The following GRAMD2B variants were observed in gnomAD, a reference collection of about 807,000 sequenced individuals.
The protein encoded by GRAMD2B is GRAM domain-containing protein 2B.
GRAMD2B carries 41 observed loss-of-function variants against 59.2 expected under a neutral mutation model. The observed-to-expected ratio is 0.69, with a 90% CI of 0.54 to 0.90. The LOEUF is 0.90. Ranked by LOEUF, GRAMD2B falls within the 40% of genes least tolerant of loss-of-function variation. GRAMD2B has a pLI of 0.00. For missense variants in GRAMD2B, 424 were observed against 500.5 expected, an observed-to-expected ratio of 0.85 and a Z score of 1.46; for synonymous variants, 161 against 182.7, an observed-to-expected ratio of 0.88 and a Z score of 0.96.
At chr5:126,443,008 T>G (rs1030848034) in intron 1 of GRAMD2B, among the ~76,000 whole-genome samples, 1 of 152,208 alleles carries the variant, frequency 6.6e-6, no homozygotes, top group African/African-American at 2.4e-5. Flanking sequence ...TGATCATTAA[T>G]GGGGATTGTT....
rs542805151 is a variant in GRAMD2B at position 126,465,116 on chromosome 5, T to A, written c.84-310T>A. 99 of 1,208,776 alleles carry A rather than the reference T, an allele frequency of 8.2e-5. 2 individuals carry two copies. The Admixed American group carries it at 3.8e-3, about 46-fold the overall frequency. 74.9% of individuals were successfully genotyped at this position (1,208,776 alleles called of 1,614,324 possible). On this transcript the variant is annotated intron_variant, in intron 1 of 13. Transcript: ENST00000285689. ...GTGCTTGTGCAGGGCGCTCCCAGCC[T>A]CCAGGTGATCTGCTGCCCCAGCACA...
At chr5:126,420,272 T>C (rs911326914), upstream of GRAMD2B, among the ~76,000 whole-genome samples, 6 of 152,162 alleles carry the variant, frequency 3.9e-5, no homozygotes, top group African/African-American at 1.4e-4. Flanking sequence ...TTTTGTCACA[T>C]GGCAATGACA....
intron 1 of GRAMD2B, among the ~76,000 whole-genome samples, chr5:126,379,371 T>A (rs998247996): frequency 2.0e-5 from 3 of 152,208 alleles, no homozygotes; most frequent in Non-Finnish European, 4.4e-5. Flanking sequence ...AACATGTATA[T>A]GCAAGTATCT....
intron 1 of GRAMD2B, among the ~76,000 whole-genome samples, chr5:126,452,823 C>G (rs1765604475): frequency 6.6e-6 from 1 of 152,100 alleles, no homozygotes. Context: ...AAATTGGTTT[C>G]CTTTATGATA....
At chr5:126,447,246 G>C (rs1764413410) in intron 1 of GRAMD2B, among the ~76,000 whole-genome samples, 1 of 152,204 alleles carries the variant, frequency 6.6e-6, no homozygotes, top group Admixed American at 6.5e-5. Flanking sequence ...CCAAACCCCA[G>C]CAGAAAACTC....
At chr5:126,484,260 C>A in intron 9 of GRAMD2B, 142 bp from the exon 10 acceptor site, 1 of 902,384 alleles carries the variant, frequency 1.1e-6, no homozygotes, top group Non-Finnish European at 1.6e-6. Flanking sequence ...ATTTCAGCCC[C>A]AGCCACCACA....
chr5:126,488,729 T>G (rs1197914830), intron 12 of GRAMD2B, 70 bp from the exon 13 acceptor site: 2 of 1,058,998 alleles, frequency 1.9e-6, no homozygotes, highest in Non-Finnish European at 2.9e-6. Flanking sequence ...CAAATAAATT[T>G]TAAATGTGTT....
chr5:126,424,444 A>G (rs1760233442), intron 1 of GRAMD2B, among the ~76,000 whole-genome samples: 1 of 152,228 alleles, frequency 6.6e-6, no homozygotes, highest in Non-Finnish European at 1.5e-5. Context: ...TGAGTAATTT[A>G]GGAAGGAGGG....
rs567213904 is a variant in GRAMD2B, at chr5:126,469,608, C to T, written c.204-69C>T. On this transcript the variant is annotated intron_variant, in intron 2 of 13. Transcript: ENST00000285689. Reference sequence around the variant, plus strand: ...CGTGATCATGCTGCTGCACTTCAGCCTGGGCAACAGAGCAAAACTGTCTCA... The same window carrying T: ...CGTGATCATGCTGCTGCACTTCAGCTTGGGCAACAGAGCAAAACTGTCTCA... The T allele has an allele frequency of 4.2e-5, 43 of 1,029,504 alleles. 1 individual carries two copies. The South Asian group carries it at 5.6e-4, about 13-fold the overall frequency. 63.8% of individuals were successfully genotyped at this position (1,029,504 alleles called of 1,614,324 possible). A position where few individuals can be genotyped will look rare whatever the true frequency, so the allele number is the denominator to read the frequency against.
chr5:126,423,674 A>C lies in GRAMD2B; in HGVS notation c.68A>C (p.Lys23Thr). The C allele has an allele frequency of 6.2e-7, 1 of 1,607,970 alleles. No individual in the cohort carries two copies. Among genetic ancestry groups the C allele is most frequent in the Non-Finnish European group, 8.5e-7 (1 of 1,177,690 alleles). Residue 23 changes from lysine to threonine, a missense_variant, in exon 1 of 14, where the codon AAA becomes ACA. Transcript: ENST00000285689. ...PAKVLGKRES[K>T]LGSAHSEAEN... The stretch of plus-strand genomic sequence containing the variant: ...AAAGTGCTCGGGAAGAGGGAGAGCA[A>C]ACTTGGCTCAGCCCAGTGAGTATTC...
At chr5:126,455,181 G>A (rs1766056584) in intron 1 of GRAMD2B, among the ~76,000 whole-genome samples, 1 of 152,004 alleles carries the variant, frequency 6.6e-6, no homozygotes, top group Non-Finnish European at 1.5e-5. Flanking sequence ...GTTTTCTCTT[G>A]TCTCCAGCTT....
At position 126,380,615 on chromosome 5, in the gene GRAMD2B, C is replaced by G. The variant is rs545678356; in HGVS notation, c.125+9048C>G. ...TAGTTTTCCTTGTAGACGTCTTTCA[C>G]CTCCTTGGTTAGTTATATTCCTAAG... On this transcript the variant is annotated intron_variant, in intron 1 of 8. Coordinates refer to the GRAMD2B transcript ENST00000506445. Among the ~76,000 whole-genome samples, 236 of 152,246 alleles carry G rather than the reference C, an allele frequency of 1.6e-3. 6 individuals are homozygous for G. In the South Asian group the frequency reaches 0.047, roughly 30 times the overall value.
intron 1 of GRAMD2B, among the ~76,000 whole-genome samples, chr5:126,373,935 A>G (rs1177012669): frequency 6.6e-6 from 1 of 152,210 alleles, no homozygotes; most frequent in Non-Finnish European, 1.5e-5. Flanking sequence ...TAATTGTGGC[A>G]GGAAGCCACT....
chr5:126,481,213 AAGAAAG>A (rs1771731297), intron 8 of GRAMD2B, among the ~76,000 whole-genome samples: 2 of 7,070 alleles, frequency 2.8e-4, no homozygotes, highest in Admixed American at 1.7e-3. Flanking sequence ...AAAAGAAAGA[AAGAAAG>A]AAAGAAAGAA....
intron 2 of GRAMD2B, chr5:126,466,240 G>A: frequency 1.3e-6 from 2 of 1,547,794 alleles, no homozygotes; most frequent in Non-Finnish European, 1.7e-6. Context: ...ACTTCTTTTG[G>A]TCTTTGCTAA....
chr5:126,482,257 G>A (rs994164261), intron 8 of GRAMD2B, among the ~76,000 whole-genome samples: 1 of 152,120 alleles, frequency 6.6e-6, no homozygotes. Flanking sequence ...TTGTAGCCAT[G>A]GCTGTACAAC....
rs114695600 is a variant in GRAMD2B at position 126,441,795 on chromosome 5, C to T, written c.83+18106C>T. On this transcript the variant is annotated intron_variant, in intron 1 of 13. Transcript: ENST00000285689. Reference sequence around the variant, plus strand: ...AATATAGGAACCAGCTCGTTAGAGGCTCTTGATAAAATATACTTCTGAATT... The same window carrying T: ...AATATAGGAACCAGCTCGTTAGAGGTTCTTGATAAAATATACTTCTGAATT... 9.8e-3 allele frequency among the ~76,000 whole-genome samples: 1,486 copies of T among 152,174 alleles called. 23 individuals are homozygous for T. Among genetic ancestry groups the T allele is most frequent in the African/African-American group, 0.033 (1,380 of 41,508 alleles).
At chr5:126,391,096 AG>A (rs1404457104) in intron 1 of GRAMD2B, among the ~76,000 whole-genome samples, 1 of 152,068 alleles carries the variant, frequency 6.6e-6, no homozygotes, top group Non-Finnish European at 1.5e-5. Flanking sequence ...TGGCACCAAA[AG>A]CATGAGTGAC....
intron 1 of GRAMD2B, among the ~76,000 whole-genome samples, chr5:126,424,245 T>C (rs11746014): frequency 0.083 from 12,617 of 152,248 alleles, 928 homozygotes; most frequent in East Asian, 0.2. Context: ...TAGCCTATAA[T>C]TGAGTCTTCT....
Sources: gnomAD v4.1 joint callset for allele counts (sites outside exome capture counted in the v4.1 genomes callset) on GRCh38, gnomAD v4.1.1 for gene constraint, MANE v1.5 for transcripts, NCBI Gene and HGNC (gene_info 2026-07-23, HGNC 2026-07-21) for gene names.